Variants in TRPM8 observed in about 807,000 individuals in gnomAD.
The protein encoded by TRPM8 is TRPM8 cationic channel.
Under a neutral mutation model 133.7 loss-of-function variants are expected in TRPM8, and 110 were observed. The observed-to-expected ratio is 0.82, with a 90% CI of 0.70 to 0.96. The LOEUF is 0.96. Ranked by LOEUF, TRPM8 falls within the 40% of genes least tolerant of loss-of-function variation. TRPM8 has a pLI of 0.00. For synonymous variants in TRPM8, 535 were observed against 532.3 expected (o/e 1.01, Z -0.07); for missense variants, 1,291 against 1,379.5 (o/e 0.94, Z 1.02).
At chr2:233,952,992 A>G (rs10169266) in intron 9 of TRPM8, among the ~76,000 whole-genome samples, 31,086 of 151,940 alleles carry the variant, frequency 0.2, 6,204 homozygotes, top group African/African-American at 0.5. Flanking sequence ...AGATGAAGAG[A>G]GCCTTTCCTT....
chr2:233,922,878 T>C (rs28901602), intron 1 of TRPM8, among the ~76,000 whole-genome samples: 12,585 of 152,268 alleles, frequency 0.083, 1,401 homozygotes, highest in African/African-American at 0.24. Flanking sequence ...TTATTCTTTT[T>C]TCTTTTTTGA....
intron 4 of TRPM8, among the ~76,000 whole-genome samples, chr2:233,938,584 A>G (rs1469002699): frequency 1.3e-5 from 2 of 152,206 alleles, no homozygotes; most frequent in Non-Finnish European, 2.9e-5. Flanking sequence ...TCACGAAGCA[A>G]AGGCGGGACA....
At chr2:233,930,592 A>G (rs1691660821) in intron 2 of TRPM8, 76 bp from the exon 3 acceptor site, 1 of 951,020 alleles carries the variant, frequency 1.1e-6, no homozygotes, top group Non-Finnish European at 1.6e-6. Flanking sequence ...GGGTTACATC[A>G]TATTTAGTAT....
At chr2:233,938,645 G>A (rs1341779679) in intron 4 of TRPM8, among the ~76,000 whole-genome samples, 1 of 152,050 alleles carries the variant, frequency 6.6e-6, no homozygotes, top group Non-Finnish European at 1.5e-5. Context: ...GAGACAAATA[G>A]TAGCATTCTT....
intron 21 of TRPM8, among the ~76,000 whole-genome samples, chr2:233,994,616 T>TA (rs1692358540): frequency 6.6e-6 from 1 of 152,220 alleles, no homozygotes; most frequent in Non-Finnish European, 1.5e-5. Flanking sequence ...AACACCAAGA[T>TA]AAACAAAGCT....
chr2:233,997,553 A>G (rs947885333), intron 22 of TRPM8, among the ~76,000 whole-genome samples: 1 of 152,124 alleles, frequency 6.6e-6, no homozygotes, highest in Non-Finnish European at 1.5e-5. Context: ...CTGGCCTGGC[A>G]GATGTTTGAA....
At chr2:233,965,796 T>C (rs1192782531) in intron 14 of TRPM8, among the ~76,000 whole-genome samples, 1 of 152,226 alleles carries the variant, frequency 6.6e-6, no homozygotes, top group African/African-American at 2.4e-5. Flanking sequence ...TGCAATTTCT[T>C]TGTCATTAGG....
chr2:233,939,114 C>G lies in TRPM8; in HGVS notation c.465C>G (p.Phe155Leu), dbSNP rs1392298510. ...CTGTGACCGGGGGCGCCAAGAACTT[C>G]GCCCTGAAGCCGCGCATGCGCAAGA... ...VISVTGGAKNFALKPRMRKIF... is the reference protein window; with the variant it reads ...VISVTGGAKNLALKPRMRKIF... The change falls in exon 5 of 26, where the codon TTC (phenylalanine) becomes TTG (leucine). Residue 155 changes from phenylalanine (F) to leucine (L), a missense_variant. By Grantham distance (22) the Phe-to-Leu change is conservative. This residue lies in a region of TRPM8 where 963 missense variants were observed against 968.9 expected (regional missense o/e 0.99). Transcript: ENST00000324695. 6.2e-7 allele frequency: 1 copy of G among 1,614,052 alleles called. No homozygotes were observed. Among genetic ancestry groups the G allele is most frequent in the Admixed American group, 1.7e-5 (1 of 60,010 alleles).
chr2:233,959,844 T>C (rs1333492431), intron 11 of TRPM8, among the ~76,000 whole-genome samples: 1 of 151,844 alleles, frequency 6.6e-6, no homozygotes, highest in Non-Finnish European at 1.5e-5. Flanking sequence ...TGCAGTGGTG[T>C]GATCTTGGCT....
intron 22 of TRPM8, among the ~76,000 whole-genome samples, chr2:233,997,862 G>A (rs1457101951): frequency 2.0e-5 from 3 of 152,154 alleles, no homozygotes; most frequent in Non-Finnish European, 4.4e-5. Context: ...TACCCCTGAA[G>A]TGGTAGCAGC....
At chr2:233,965,606 G>A (rs978463501) in intron 14 of TRPM8, among the ~76,000 whole-genome samples, 3 of 152,130 alleles carry the variant, frequency 2.0e-5, no homozygotes, top group African/African-American at 4.8e-5. Flanking sequence ...TTTGCATCCA[G>A]GTTTGTCTAG....
chr2:233,942,072 T>TG (rs67648647), intron 5 of TRPM8, among the ~76,000 whole-genome samples: 5,029 of 84,496 alleles, frequency 0.06, 306 homozygotes, highest in East Asian at 0.26. Flanking sequence ...GTCAAGAATC[T>TG]TTTTTTTTTT....
intron 14 of TRPM8, chr2:233,965,864 T>A (rs901976654): frequency 1.1e-4 from 17 of 151,876 alleles, no homozygotes; most frequent in African/African-American, 3.9e-4. Context: ...TTTTTTTTTT[T>A]TGAGGTGGAG....
At chr2:234,005,927 T>TACACACAC (rs35379195) in intron 22 of TRPM8, among the ~76,000 whole-genome samples, 8,578 of 135,938 alleles carry the variant, frequency 0.063, 402 homozygotes, top group African/African-American at 0.12. Context: ...AAACGTCATC[T>TACACACAC]ACACACACAC....
rs748447928 is a variant in TRPM8 at position 233,961,069 on chromosome 2, A to T, written c.1653+3A>T. 3 of 1,609,488 alleles carry T rather than the reference A, an allele frequency of 1.9e-6. No individual in the cohort carries two copies. Among genetic ancestry groups the T allele is most frequent in the Non-Finnish European group, 1.7e-6 (2 of 1,177,084 alleles). ...ACGAGATGGACATAGAACTCCACGTAGGTACTGGGAGAGTTGCCTGCTTGA... is the reference window on the plus strand; with the variant it reads ...ACGAGATGGACATAGAACTCCACGTTGGTACTGGGAGAGTTGCCTGCTTGA... On this transcript the variant is annotated splice_donor_region_variant and intron_variant, in intron 12 of 25. Coordinates refer to ENST00000324695, the MANE Select transcript of TRPM8 (RefSeq NM_024080.5).
chr2:233,978,623 T>A (rs1039507781), intron 17 of TRPM8, among the ~76,000 whole-genome samples: 1 of 152,242 alleles, frequency 6.6e-6, no homozygotes, highest in African/African-American at 2.4e-5. Flanking sequence ...TGTTCCTTTT[T>A]AAAAACATGA....
intron 21 of TRPM8, among the ~76,000 whole-genome samples, chr2:233,995,114 C>T (rs553930392): frequency 2.4e-4 from 36 of 152,212 alleles, no homozygotes; most frequent in Non-Finnish European, 4.6e-4. Context: ...GGCTGGATTG[C>T]GGGGTCCAAA....
intron 3 of TRPM8, among the ~76,000 whole-genome samples, chr2:233,932,558 C>T (rs539949002): frequency 1.4e-4 from 21 of 152,172 alleles, no homozygotes; most frequent in Admixed American, 5.2e-4. Flanking sequence ...TCAGGGCGCA[C>T]TTACTAGTGG....
At chr2:233,930,553 T>C (rs1691660253) in intron 2 of TRPM8, 115 bp from the exon 3 acceptor site, 7 of 660,162 alleles carry the variant, frequency 1.1e-5, no homozygotes, top group Non-Finnish European at 2.5e-6. Flanking sequence ...GCTATGAATA[T>C]GTGGTAAATT....
Sources: gnomAD v4.1 joint callset for allele counts (sites outside exome capture counted in the v4.1 genomes callset) on GRCh38, gnomAD v4.1.1 for gene constraint, gnomAD v4.1.1 regional missense constraint, MANE v1.5 for transcripts, NCBI Gene and HGNC (gene_info 2026-07-23, HGNC 2026-07-21) for gene names.